MAF: variants seen among roughly 807,000 people sequenced by gnomAD.
MAF encodes the protein MAF bZIP transcription factor.
Under a neutral mutation model 22.0 loss-of-function variants are expected in MAF, and 10 were observed. The observed-to-expected ratio is 0.45, with a 90% CI of 0.28 to 0.77. The LOEUF (loss-of-function observed/expected upper bound fraction) is 0.77. MAF is among the 30% of genes least tolerant of loss of function. MAF has a pLI of 0.12. For synonymous variants in MAF, 337 were observed against 255.8 expected (o/e 1.32, Z -3.03); for missense variants, 544 against 548.4 (o/e 0.99, Z 0.08).
At chr16:79,597,515 T>C (rs751961797) in intron 1 of MAF, 40 of 1,024,248 alleles carry the variant, frequency 3.9e-5, no homozygotes, top group Non-Finnish European at 4.6e-5. Flanking sequence ...TCTTCAATGT[T>C]TGCCAGGTTA....
the MAF span, among the ~76,000 whole-genome samples, chr16:79,527,523 T>C: frequency 6.6e-6 from 1 of 152,136 alleles, no homozygotes; most frequent in African/African-American, 2.4e-5. Context: ...TTTGGTGACA[T>C]TACAAAATGG....
chr16:79,509,300 C>A, the MAF span, among the ~76,000 whole-genome samples: 2 of 152,196 alleles, frequency 1.3e-5, no homozygotes, highest in Non-Finnish European at 2.9e-5. Flanking sequence ...GCCCTCTAGG[C>A]CCTGGTTGTG....
At chr16:79,572,386 G>A in the MAF span, among the ~76,000 whole-genome samples, 14 of 152,030 alleles carry the variant, frequency 9.2e-5, no homozygotes, top group African/African-American at 3.4e-4. Flanking sequence ...CAACACTTTT[G>A]GCTGTGACAA....
chr16:79,212,181 G>A, the MAF span: 732,789 of 1,476,086 alleles, frequency 0.5, 191,805 homozygotes, highest in Non-Finnish European at 0.55. Flanking sequence ...CACTGCAGCC[G>A]GGGGCTGGCC....
the MAF span, among the ~76,000 whole-genome samples, chr16:79,300,330 G>A: frequency 1.3e-5 from 2 of 152,290 alleles, no homozygotes; most frequent in African/African-American, 2.4e-5. Context: ...GCCGAGCCAG[G>A]TGGATCACCA....
the MAF span, among the ~76,000 whole-genome samples, chr16:79,367,030 T>C: frequency 1.3e-5 from 2 of 152,196 alleles, no homozygotes; most frequent in South Asian, 4.1e-4. Context: ...AACTCAAGGT[T>C]TTTTTTTCCT....
chr16:79,498,304 T>C, the MAF span, among the ~76,000 whole-genome samples: 7 of 152,190 alleles, frequency 4.6e-5, no homozygotes, highest in Admixed American at 3.9e-4. Context: ...TTAGCAGCCA[T>C]AGACAATGTG....
At chr16:79,490,946 A>G in the MAF span, among the ~76,000 whole-genome samples, 1 of 152,160 alleles carries the variant, frequency 6.6e-6, no homozygotes, top group Non-Finnish European at 1.5e-5. Context: ...ATCAGATGAG[A>G]CGCCCAAAGT....
the MAF span, among the ~76,000 whole-genome samples, chr16:79,245,626 A>C: frequency 6.6e-6 from 1 of 152,106 alleles, no homozygotes. Flanking sequence ...ACAGTAGTTC[A>C]ACCATTGTGG....
chr16:79,528,947 A>T, the MAF span, among the ~76,000 whole-genome samples: 2 of 152,106 alleles, frequency 1.3e-5, no homozygotes, highest in East Asian at 1.9e-4. Context: ...TTGCATATTT[A>T]TAGGGTCTCC....
chr16:79,235,006 C>T, the MAF span, among the ~76,000 whole-genome samples: 2 of 152,124 alleles, frequency 1.3e-5, no homozygotes, highest in South Asian at 2.1e-4. Context: ...CCAGTAGCCA[C>T]GGACTTAATT....
At chr16:79,502,714 T>TATAAATATATATATATATAAATATAA in the MAF span, among the ~76,000 whole-genome samples, 1 of 12,994 alleles carries the variant, frequency 7.7e-5, no homozygotes, top group Non-Finnish European at 1.6e-4. Flanking sequence ...TATAAATATA[T>TATAAATATATATATATATAAATATAA]ATATATATAT....
At chr16:79,241,204 C>G in the MAF span, among the ~76,000 whole-genome samples, 1 of 152,044 alleles carries the variant, frequency 6.6e-6, no homozygotes, top group Non-Finnish European at 1.5e-5. Flanking sequence ...GACAAACTGA[C>G]AGAAGTAGAC....
chr16:79,390,391 A>C, the MAF span, among the ~76,000 whole-genome samples: 2 of 152,300 alleles, frequency 1.3e-5, no homozygotes, highest in East Asian at 3.9e-4. Flanking sequence ...CCACTTTAAT[A>C]GCTCTGGCTG....
At chr16:79,526,141 G>A in the MAF span, among the ~76,000 whole-genome samples, 1 of 152,174 alleles carries the variant, frequency 6.6e-6, no homozygotes, top group Non-Finnish European at 1.5e-5. Context: ...CCAACTGTCG[G>A]TTCTGAGAAA....
At chr16:79,500,852 C>A in the MAF span, among the ~76,000 whole-genome samples, 2 of 152,142 alleles carry the variant, frequency 1.3e-5, no homozygotes, top group African/African-American at 4.8e-5. Flanking sequence ...TAGACCTTCT[C>A]AGAGAGTGTA....
the MAF span, among the ~76,000 whole-genome samples, chr16:79,561,909 G>T: frequency 7.9e-5 from 12 of 152,228 alleles, no homozygotes; most frequent in African/African-American, 2.6e-4. Context: ...CTGAAGTATT[G>T]CAGGGCACTC....
At chr16:79,435,993 G>A in the MAF span, among the ~76,000 whole-genome samples, 4 of 152,148 alleles carry the variant, frequency 2.6e-5, no homozygotes, top group African/African-American at 7.2e-5. Context: ...TTAGGCATGC[G>A]GTTGGAGAAG....
the MAF span, among the ~76,000 whole-genome samples, chr16:79,561,243 AC>A: frequency 1.3e-5 from 2 of 149,408 alleles, no homozygotes; most frequent in Non-Finnish European, 3.0e-5. Context: ...TGTATTTTAA[AC>A]ATTTTTTTTT....
Sources: allele counts gnomAD v4.1 joint callset (sites outside exome capture counted in the v4.1 genomes callset), GRCh38; gene constraint gnomAD v4.1.1; transcripts MANE v1.5; gene names NCBI Gene and HGNC (gene_info 2026-07-23, HGNC 2026-07-21).